Variants in ACSL6 observed in about 807,000 individuals in gnomAD.
ACSL6 encodes long-chain-fatty-acid--CoA ligase 6.
ACSL6 carries 47 observed loss-of-function variants against 98.2 expected under a neutral mutation model. That is an observed-to-expected ratio of 0.48 (90% CI 0.38 to 0.61). ACSL6 has a LOEUF of 0.61. ACSL6 is among the 20% of genes least tolerant of loss of function. The pLI is 0.00. For missense variants in ACSL6, 761 were observed against 913.4 expected (o/e 0.83, Z 2.15); for synonymous variants, 362 against 336.9 (o/e 1.07, Z -0.82).
chr5:132,003,791 G>A (rs1755224606), intron 1 of ACSL6: 1 of 152,242 alleles, frequency 6.6e-6, no homozygotes. Flanking sequence ...AGGCCTCGGT[G>A]GCTGCTGAGG....
intron 1 of ACSL6, among the ~76,000 whole-genome samples, chr5:132,008,224 C>G (rs1755516499): frequency 6.6e-6 from 1 of 152,220 alleles, no homozygotes; most frequent in Non-Finnish European, 1.5e-5. Flanking sequence ...TCTCCAAACC[C>G]CTGGGGTGGC....
At position 131,950,709 on chromosome 5, in the gene ACSL6, T is replaced by C. The variant is rs1225157323; in HGVS notation, c.*3525A>G. 5.2e-6 allele frequency: 1 copy of C among 191,994 alleles called. No individual in the cohort carries two copies. The highest frequency in any genetic ancestry group is 1.1e-5 in the Non-Finnish European group (1 of 91,822). The allele number at this position is 191,994 out of a possible 1,614,324, so 11.9% of individuals were successfully genotyped here. A position where few individuals can be genotyped will look rare whatever the true frequency, so the allele number is the denominator to read the frequency against. On this transcript the variant is annotated 3_prime_UTR_variant, in exon 21 of 21. Transcript: ENST00000651883. Reference sequence around the variant, plus strand: ...CTATATTGCATTTGTGCTTCATACATTTGGAAAATAAAGGATATTTCATTT... The same window carrying C: ...CTATATTGCATTTGTGCTTCATACACTTGGAAAATAAAGGATATTTCATTT...
rs1290980911 is a variant in ACSL6 at position 131,950,843 on chromosome 5, A to G, written c.*3391T>C. On this transcript the variant is annotated 3_prime_UTR_variant, in exon 21 of 21. Transcript: ENST00000651883. ...CATTACCTGATTGGAAAAAATTCCAATGGAAAGTTCTATTTTTTCTCATAC... is the reference window on the plus strand; with the variant it reads ...CATTACCTGATTGGAAAAAATTCCAGTGGAAAGTTCTATTTTTTCTCATAC... The G allele has an allele frequency of 1.6e-5, 3 of 189,484 alleles. No individual in the cohort carries two copies. The highest frequency in any genetic ancestry group is 2.0e-4 in the South Asian group (1 of 5,128). 11.7% of individuals were successfully genotyped at this position (189,484 alleles called of 1,614,324 possible).
chr5:131,962,803 T>C (rs1009423353), intron 17 of ACSL6, 125 bp from the exon 18 acceptor site: 26 of 1,107,580 alleles, frequency 2.3e-5, no homozygotes, highest in Non-Finnish European at 3.1e-5. Context: ...CTTTTCCATC[T>C]GTTGTGTCTG....
intron 9 of ACSL6, chr5:131,984,861 C>T (rs911328065): frequency 5.7e-5 from 10 of 175,594 alleles, no homozygotes; most frequent in South Asian, 4.3e-4. Context: ...TCTGCATTGC[C>T]CTTTCACACA....
In ACSL6 at chr5:131,950,381, A is replaced by C. The variant is rs1752097842; in HGVS notation, c.*3853T>G. 1 of 203,644 alleles carries C rather than the reference A, an allele frequency of 4.9e-6. No individual in the cohort carries two copies. Among genetic ancestry groups the C allele is most frequent in the Admixed American group, 6.0e-5 (1 of 16,714 alleles). The allele number at this position is 203,644 out of a possible 1,614,324, so 12.6% of individuals were successfully genotyped here. A position where few individuals can be genotyped will look rare whatever the true frequency, so the allele number is the denominator to read the frequency against. On this transcript the variant is annotated 3_prime_UTR_variant, in exon 21 of 21. Transcript: ENST00000651883. Reference sequence around the variant, plus strand: ...GAAGAGTTTCTCATTTGGGGTATTGACCTTACTTGAATGCTAACCCACTTC... The same window carrying C: ...GAAGAGTTTCTCATTTGGGGTATTGCCCTTACTTGAATGCTAACCCACTTC...
At chr5:131,957,176 A>T (rs1432084480) in intron 20 of ACSL6, among the ~76,000 whole-genome samples, 1 of 152,184 alleles carries the variant, frequency 6.6e-6, no homozygotes, top group Non-Finnish European at 1.5e-5. Context: ...AACAGGAGAG[A>T]TAAAGTTAAA....
chr5:131,971,019 G>A (rs189286481), intron 14 of ACSL6, among the ~76,000 whole-genome samples: 2 of 152,114 alleles, frequency 1.3e-5, no homozygotes, highest in African/African-American at 2.4e-5. Context: ...TGAAAAAGAT[G>A]GGTCTACTTT....
At chr5:131,983,485 A>G (rs747336373) in intron 9 of ACSL6, 4 of 152,276 alleles carry the variant, frequency 2.6e-5, no homozygotes, top group Non-Finnish European at 5.9e-5. Flanking sequence ...TGAAAAGAAC[A>G]ATGTGGCCCT....
chr5:131,973,557 G>A (rs1466890596), intron 11 of ACSL6, 157 bp from the exon 12 acceptor site: 1 of 666,756 alleles, frequency 1.5e-6, no homozygotes, highest in Non-Finnish European at 2.4e-6. Flanking sequence ...GCCATCTGAG[G>A]TGACCCCCAC....
At position 131,989,479 on chromosome 5, in the gene ACSL6, G is replaced by C. The variant is rs771369534; in HGVS notation, c.480C>G (p.Ser160=). Residue 160 remains serine, a synonymous_variant, in exon 5 of 21, where the codon TCC becomes TCG. Transcript: ENST00000651883. Reference sequence around the variant, plus strand: ...CTTTACAATTGTGCTGGAGAAGTCCGGACCCCAGAAATTCAGCCCTGTCGG... The same window carrying C: ...CTTTACAATTGTGCTGGAGAAGTCCCGACCCCAGAAATTCAGCCCTGTCGG... The part of the protein sequence containing the change: ...EVADRAEFLG[S]GLLQHNCKAC... 3 of 1,613,550 alleles carry C rather than the reference G, an allele frequency of 1.9e-6. No homozygotes were observed. Among genetic ancestry groups the C allele is most frequent in the South Asian group, 1.1e-5 (1 of 91,058 alleles).
At chr5:131,975,661 C>T in intron 10 of ACSL6, 1 of 985,324 alleles carries the variant, frequency 1.0e-6, no homozygotes, top group Non-Finnish European at 1.2e-6. Context: ...TGTGCCCCGC[C>T]AGCAAAGGGA....
At chr5:131,993,797 C>CTTCT in intron 2 of ACSL6, 1 of 538,012 alleles carries the variant, frequency 1.9e-6, no homozygotes, top group Non-Finnish European at 3.3e-6. Flanking sequence ...ACTAGAGGCC[C>CTTCT]AGTGCAAGGC....
intron 1 of ACSL6, chr5:131,999,377 A>G (rs1432925803): frequency 6.6e-6 from 1 of 152,256 alleles, no homozygotes; most frequent in Non-Finnish European, 1.5e-5. Flanking sequence ...AAGGGGCTCA[A>G]AGACAACTTG....
chr5:132,000,304 G>C (rs367575494), intron 1 of ACSL6, among the ~76,000 whole-genome samples: 4 of 152,108 alleles, frequency 2.6e-5, no homozygotes, highest in African/African-American at 9.7e-5. Context: ...AAGACCCCAG[G>C]GCAGCACACC....
chr5:132,006,782 A>C (rs1755431909), intron 1 of ACSL6: 1 of 152,250 alleles, frequency 6.6e-6, no homozygotes, highest in South Asian at 2.1e-4. Context: ...ACACTTCTGG[A>C]GCACCTCCTT....
intron 9 of ACSL6, among the ~76,000 whole-genome samples, chr5:131,980,780 C>A (rs557496064): frequency 6.6e-6 from 1 of 152,112 alleles, no homozygotes; most frequent in East Asian, 1.9e-4. Context: ...ACTCCTGTGT[C>A]CCTCCCTTCA....
At chr5:132,007,678 G>A (rs1755488462) in intron 1 of ACSL6, among the ~76,000 whole-genome samples, 1 of 152,154 alleles carries the variant, frequency 6.6e-6, no homozygotes, top group Non-Finnish European at 1.5e-5. Context: ...CACATGGTAG[G>A]TGCTCAGTGA....
intron 17 of ACSL6, among the ~76,000 whole-genome samples, chr5:131,965,010 G>GCAGA: frequency 6.6e-6 from 1 of 152,140 alleles, no homozygotes; most frequent in Non-Finnish European, 1.5e-5. Context: ...GTCTAATCAT[G>GCAGA]CATATCTCCC....
Sources: allele counts gnomAD v4.1 joint callset (sites outside exome capture counted in the v4.1 genomes callset), GRCh38; gene constraint gnomAD v4.1.1; transcripts MANE v1.5; gene names NCBI Gene and HGNC (gene_info 2026-07-23, HGNC 2026-07-21).